PRKN: variants seen among roughly 807,000 people sequenced by gnomAD.
PRKN encodes E3 ubiquitin-protein ligase parkin.
PRKN carries 56 observed loss-of-function variants against 59.5 expected under a neutral mutation model. That is an observed-to-expected ratio of 0.94 (90% confidence interval 0.76 to 1.18). The LOEUF is 1.18. Ranked by LOEUF, PRKN falls within the 50% of genes most tolerant of loss-of-function variation. PRKN has a pLI of 0.00. For missense variants in PRKN, 657 were observed against 596.4 expected, an observed-to-expected ratio of 1.10 and a Z score of -1.06; for synonymous variants, 250 against 222.1, an observed-to-expected ratio of 1.13 and a Z score of -1.12.
chr6:162,594,509 A>G lies in PRKN; in HGVS notation c.7+133153T>C, dbSNP rs184174792. Among the ~76,000 whole-genome samples, 3 of 152,288 alleles carry G rather than the reference A, an allele frequency of 2.0e-5. No homozygotes were observed. The East Asian group carries it at 5.8e-4, about 29-fold the overall frequency. Reference sequence around the variant, plus strand: ...GTCTACTTCTATTGGATTTTATTGTAATATATTTTGATTCTTCAAAATCTT... The same window carrying G: ...GTCTACTTCTATTGGATTTTATTGTGATATATTTTGATTCTTCAAAATCTT... On this transcript the variant is annotated intron_variant, in intron 1 of 11. Coordinates refer to ENST00000366898, the MANE Select transcript of PRKN (RefSeq NM_004562.3).
At chr6:162,246,245 T>C (rs939206358) in intron 3 of PRKN, among the ~76,000 whole-genome samples, 1 of 152,054 alleles carries the variant, frequency 6.6e-6, no homozygotes, top group Non-Finnish European at 1.5e-5. Flanking sequence ...GCAATCTGAC[T>C]ACTGTCCTTA....
At chr6:162,444,150 T>C (rs1269888021) in intron 1 of PRKN, among the ~76,000 whole-genome samples, 2 of 152,154 alleles carry the variant, frequency 1.3e-5, no homozygotes, top group African/African-American at 4.8e-5. Flanking sequence ...GTCTTCTCAC[T>C]GCACCTGCTG....
At chr6:162,046,024 C>A (rs981326819) in intron 5 of PRKN, among the ~76,000 whole-genome samples, 3 of 152,168 alleles carry the variant, frequency 2.0e-5, no homozygotes, top group Non-Finnish European at 4.4e-5. Flanking sequence ...TTGAAATTAT[C>A]TTTTTTGTAT....
chr6:161,870,968 G>A (rs1794317932), intron 6 of PRKN, among the ~76,000 whole-genome samples: 1 of 152,028 alleles, frequency 6.6e-6, no homozygotes. Flanking sequence ...TGAAATTAGA[G>A]ATAGGGTAAT....
At position 161,360,230 on chromosome 6, in the gene PRKN, T is replaced by C. The variant is rs370186221; in HGVS notation, c.1168-25A>G. On this transcript the variant is annotated intron_variant, in intron 10 of 11. Coordinates refer to ENST00000366898, the MANE Select transcript of PRKN (RefSeq NM_004562.3). The surrounding 1 kb of genome is among the most constrained non-coding windows in gnomAD (Gnocchi z 5.1). The stretch of plus-strand genomic sequence containing the variant: ...CCTGGGGAAACAAAGAGGAAAGGCG[T>C]TTAATCTCAGCTTTCTATTACTGGG... 6.5e-6 allele frequency: 10 copies of C among 1,536,262 alleles called. No homozygotes were observed. The highest frequency in any genetic ancestry group is 3.3e-5 in the Admixed American group (2 of 59,914).
chr6:162,538,175 G>A (rs1174962068), intron 1 of PRKN, among the ~76,000 whole-genome samples: 1 of 152,158 alleles, frequency 6.6e-6, no homozygotes, highest in African/African-American at 2.4e-5. Flanking sequence ...AAGGCGGGTG[G>A]ATCACTTGAG....
chr6:162,727,286 G>C (rs531774976), intron 1 of PRKN: 2 of 321,150 alleles, frequency 6.2e-6, no homozygotes, highest in Admixed American at 5.3e-5. Flanking sequence ...TGAGGTGAGG[G>C]GCGAAGGTGA....
intron 6 of PRKN, among the ~76,000 whole-genome samples, chr6:161,903,914 T>G (rs1778031577): frequency 6.6e-6 from 1 of 151,870 alleles, no homozygotes; most frequent in African/African-American, 2.4e-5. Flanking sequence ...TGCAGTTTCG[T>G]CTGCAGGATC....
At chr6:161,671,670 A>G (rs1165486815) in intron 7 of PRKN, among the ~76,000 whole-genome samples, 1 of 152,176 alleles carries the variant, frequency 6.6e-6, no homozygotes, top group Non-Finnish European at 1.5e-5. Context: ...TAAAGCAAGC[A>G]TGGTCCTTCA....
chr6:161,750,818 T>C (rs1467666644), intron 7 of PRKN, among the ~76,000 whole-genome samples: 3 of 151,196 alleles, frequency 2.0e-5, no homozygotes, highest in Non-Finnish European at 2.9e-5. Flanking sequence ...ATTGATTTAA[T>C]AGATGAATCA....
intron 4 of PRKN, among the ~76,000 whole-genome samples, chr6:162,145,970 T>G (rs1161200032): frequency 1.3e-5 from 2 of 152,226 alleles, no homozygotes; most frequent in Non-Finnish European, 2.9e-5. Flanking sequence ...GTGACACTAC[T>G]ATGCAAACGT....
intron 2 of PRKN, among the ~76,000 whole-genome samples, chr6:162,414,413 A>AAAGT (rs971409475): frequency 5.3e-5 from 8 of 151,732 alleles, no homozygotes; most frequent in African/African-American, 1.7e-4. Flanking sequence ...TGAAGATTAG[A>AAAGT]AAGTAGTGAA....
intron 4 of PRKN, among the ~76,000 whole-genome samples, chr6:162,067,050 T>C (rs1345837618): frequency 1.3e-5 from 2 of 152,210 alleles, no homozygotes; most frequent in Non-Finnish European, 2.9e-5. Flanking sequence ...CTACTTGTCC[T>C]TTTCTTCATC....
Position 161,446,031 on chromosome 6 carries a change from C to G in PRKN, c.1084-59154G>C, listed in dbSNP as rs1338099057. Among the ~76,000 whole-genome samples, 2 of 149,886 alleles carry G rather than the reference C, an allele frequency of 1.3e-5. No individual in the cohort carries two copies. The highest frequency in any genetic ancestry group is 2.4e-5 in the African/African-American group (1 of 40,970). On this transcript the variant is annotated intron_variant, in intron 9 of 11. Coordinates refer to ENST00000366898, the MANE Select transcript of PRKN (RefSeq NM_004562.3). The surrounding 1 kb of genome is among the most constrained non-coding windows in gnomAD (Gnocchi z 6.2). ...CCAGCCTGGGCAACATGGTGAAACC[C>G]TGTCTCTATAAAAAATATAAAACTT... is the stretch of plus-strand genomic sequence containing the variant.
rs1181172372 is a variant in PRKN, at chr6:161,445,446, C to G, written c.1084-58569G>C. Among the ~76,000 whole-genome samples the G allele has an allele frequency of 6.6e-6, 1 of 152,154 alleles. No individual in the cohort carries two copies. Among genetic ancestry groups the G allele is most frequent in the Non-Finnish European group, 1.5e-5 (1 of 68,012 alleles). On this transcript the variant is annotated intron_variant, in intron 9 of 11. Transcript: ENST00000366898. The surrounding 1 kb of genome is among the most constrained non-coding windows in gnomAD (Gnocchi z 7.7). ...AGCTGAGGCCCACCCTCCCCTTTCT[C>G]CTACACATGGACACCTCTGAGTGGA...
chr6:162,095,142 A>C (rs1779672865), intron 4 of PRKN, among the ~76,000 whole-genome samples: 1 of 152,210 alleles, frequency 6.6e-6, no homozygotes, highest in South Asian at 2.1e-4. Flanking sequence ...TGGCTTTAGA[A>C]TTACTACAAG....
At chr6:161,659,775 G>A (rs1458848323) in intron 7 of PRKN, among the ~76,000 whole-genome samples, 1 of 152,104 alleles carries the variant, frequency 6.6e-6, no homozygotes, top group African/African-American at 2.4e-5. Flanking sequence ...GTTATGAATG[G>A]TCTTTCTAAG....
intron 4 of PRKN, among the ~76,000 whole-genome samples, chr6:162,107,419 C>T (rs1439942819): frequency 2.0e-5 from 3 of 152,186 alleles, no homozygotes; most frequent in Non-Finnish European, 2.9e-5. Context: ...GAGCCGAGAT[C>T]GCACCTCTGT....
intron 2 of PRKN, among the ~76,000 whole-genome samples, chr6:162,437,096 A>AAT (rs1554323723): frequency 2.0e-5 from 3 of 147,688 alleles, no homozygotes; most frequent in East Asian, 2.0e-4. Flanking sequence ...TGTCTCAAAA[A>AAT]AAATAAATAA....
Sources: gnomAD v4.1 joint callset for allele counts (sites outside exome capture counted in the v4.1 genomes callset) on GRCh38, gnomAD v4.1.1 for gene constraint, Gnocchi (gnomAD v3.1) non-coding constraint, MANE v1.5 for transcripts, NCBI Gene and HGNC (gene_info 2026-07-23, HGNC 2026-07-21) for gene names.